The following PDZRN4 variants were observed in gnomAD, a reference collection of about 807,000 sequenced individuals.
The protein encoded by PDZRN4 is PDZ domain-containing RING finger protein 4.
Under a neutral mutation model 99.0 loss-of-function variants are expected in PDZRN4, and 70 were observed. That is an observed-to-expected ratio of 0.71 (90% confidence interval 0.58 to 0.86). PDZRN4 has a LOEUF of 0.86. Among genes scored for constraint, PDZRN4 ranks in the 40% least tolerant of loss-of-function variants. PDZRN4 has a pLI of 0.00. For missense variants in PDZRN4, 1,474 were observed against 1,331.2 expected (o/e 1.11, Z -1.67); for synonymous variants, 551 against 501.6 (o/e 1.10, Z -1.32).
intron 3 of PDZRN4, among the ~76,000 whole-genome samples, chr12:41,368,510 G>T (rs1346044054): frequency 6.6e-6 from 1 of 151,886 alleles, no homozygotes; most frequent in Non-Finnish European, 1.5e-5. Flanking sequence ...TTATATACAC[G>T]CACATACACA....
intron 3 of PDZRN4, among the ~76,000 whole-genome samples, chr12:41,280,646 C>T (rs1012948127): frequency 6.6e-6 from 1 of 152,178 alleles, no homozygotes; most frequent in Non-Finnish European, 1.5e-5. Context: ...GCCACTGTAG[C>T]GAGACTGCCT....
At chr12:41,363,909 T>C (rs1951979496) in intron 3 of PDZRN4, among the ~76,000 whole-genome samples, 4 of 152,114 alleles carry the variant, frequency 2.6e-5, no homozygotes, top group African/African-American at 9.6e-5. Flanking sequence ...CTTTGGAACT[T>C]CTTCAACTTA....
intron 3 of PDZRN4, among the ~76,000 whole-genome samples, chr12:41,425,912 T>C (rs1483204324): frequency 3.3e-5 from 5 of 152,316 alleles, no homozygotes; most frequent in South Asian, 2.1e-4. Flanking sequence ...ATTTCTCTTT[T>C]GATTTCCAGT....
chr12:41,216,176 C>T (rs1049185418), intron 3 of PDZRN4, among the ~76,000 whole-genome samples: 10 of 151,744 alleles, frequency 6.6e-5, no homozygotes, highest in Admixed American at 1.3e-4. Flanking sequence ...GTTAGTACAA[C>T]GAGTACATTC....
chr12:41,288,812 AG>A (rs769171563), intron 3 of PDZRN4, among the ~76,000 whole-genome samples: 4 of 152,178 alleles, frequency 2.6e-5, no homozygotes, highest in African/African-American at 7.2e-5. Flanking sequence ...TAGGATTTAA[AG>A]AATTATGTTT....
intron 9 of PDZRN4, among the ~76,000 whole-genome samples, chr12:41,569,141 A>G (rs543016139): frequency 2.7e-5 from 4 of 149,712 alleles, no homozygotes; most frequent in Admixed American, 1.3e-4. Context: ...TTATTTTAAG[A>G]TAGAGTCTCA....
intron 3 of PDZRN4, among the ~76,000 whole-genome samples, chr12:41,272,420 A>C (rs2120863806): frequency 6.6e-6 from 1 of 152,240 alleles, no homozygotes; most frequent in South Asian, 2.1e-4. Context: ...ATTGATCCTA[A>C]AGTGACCTGT....
At chr12:41,360,724 A>G (rs1951957875) in intron 3 of PDZRN4, among the ~76,000 whole-genome samples, 1 of 152,026 alleles carries the variant, frequency 6.6e-6, no homozygotes, top group Non-Finnish European at 1.5e-5. Flanking sequence ...ACTACCTGAA[A>G]GAAGCTTGAC....
chr12:41,408,002 T>A (rs1330670278), intron 3 of PDZRN4, among the ~76,000 whole-genome samples: 1 of 152,248 alleles, frequency 6.6e-6, no homozygotes, highest in Non-Finnish European at 1.5e-5. Context: ...GCCCGTTGAC[T>A]TAACATACAA....
chr12:41,332,194 G>A (rs909216339), intron 3 of PDZRN4, among the ~76,000 whole-genome samples: 9 of 152,016 alleles, frequency 5.9e-5, no homozygotes, highest in Admixed American at 1.3e-4. Context: ...GCATTAAGAC[G>A]GCAGATGGTT....
At chr12:41,381,635 GT>G in intron 3 of PDZRN4, among the ~76,000 whole-genome samples, 1 of 151,830 alleles carries the variant, frequency 6.6e-6, no homozygotes, top group East Asian at 1.9e-4. Flanking sequence ...TTCATTTATT[GT>G]TTTTCTAATT....
At chr12:41,515,105 G>T (rs1417825612) in intron 5 of PDZRN4, among the ~76,000 whole-genome samples, 1 of 152,034 alleles carries the variant, frequency 6.6e-6, no homozygotes, top group Admixed American at 6.6e-5. Flanking sequence ...GCCAGCGGGG[G>T]CTGTCTCTGT....
intron 3 of PDZRN4, among the ~76,000 whole-genome samples, chr12:41,275,743 C>A (rs1260678609): frequency 6.6e-6 from 1 of 151,976 alleles, no homozygotes; most frequent in Non-Finnish European, 1.5e-5. Context: ...GATTCAAACC[C>A]AAATATGGCC....
intron 1 of PDZRN4, among the ~76,000 whole-genome samples, chr12:41,190,447 G>T (rs1352211459): frequency 6.6e-6 from 1 of 152,200 alleles, no homozygotes; most frequent in Non-Finnish European, 1.5e-5. Flanking sequence ...GGAAACCAAT[G>T]GTTGAAGGAA....
chr12:41,209,796 G>A (rs1001720099), intron 3 of PDZRN4, among the ~76,000 whole-genome samples: 26 of 148,656 alleles, frequency 1.7e-4, no homozygotes, highest in Admixed American at 6.8e-5. Flanking sequence ...GAATAGTGCT[G>A]CAATAAACAT....
At chr12:41,362,130 G>T (rs1205517332) in intron 3 of PDZRN4, among the ~76,000 whole-genome samples, 1 of 151,940 alleles carries the variant, frequency 6.6e-6, no homozygotes, top group African/African-American at 2.4e-5. Context: ...TTAAACAGAA[G>T]AGTCCTTGAA....
At chr12:41,531,541 G>T (rs948795936) in intron 5 of PDZRN4, among the ~76,000 whole-genome samples, 1 of 152,186 alleles carries the variant, frequency 6.6e-6, no homozygotes, top group African/African-American at 2.4e-5. Context: ...ATGGGGCCAT[G>T]GCAGGCCAGG....
intron 3 of PDZRN4, among the ~76,000 whole-genome samples, chr12:41,209,340 TTTTA>T (rs1457139772): frequency 1.3e-4 from 2 of 15,208 alleles, no homozygotes; most frequent in Non-Finnish European, 2.4e-4. Context: ...CTTTTTATTT[TTTTA>T]TTTATTTATT....
At chr12:41,415,869 T>C (rs529175763) in intron 3 of PDZRN4, among the ~76,000 whole-genome samples, 78 of 152,332 alleles carry the variant, frequency 5.1e-4, no homozygotes, top group African/African-American at 1.8e-3. Context: ...ACTCTTGAAA[T>C]AGAATTATTC....
Sources: gnomAD v4.1 joint callset for allele counts (sites outside exome capture counted in the v4.1 genomes callset) on GRCh38, gnomAD v4.1.1 for gene constraint, MANE v1.5 for transcripts, NCBI Gene and HGNC (gene_info 2026-07-23, HGNC 2026-07-21) for gene names.